WIPF3: variants seen among roughly 807,000 people sequenced by gnomAD.
WIPF3 encodes WAS/WASL interacting protein family member 3.
WIPF3 carries 33 observed loss-of-function variants against 38.9 expected under a neutral mutation model. The ratio of observed to expected loss-of-function variants is 0.85; its 90% CI spans 0.64 to 1.14. WIPF3 has a LOEUF of 1.14. WIPF3 is among the 50% of genes most tolerant of loss of function. WIPF3 has a pLI of 0.00. For synonymous variants in WIPF3, 324 were observed against 269.3 expected, an observed-to-expected ratio of 1.20 and a Z score of -1.99; for missense variants, 711 against 652.5, an observed-to-expected ratio of 1.09 and a Z score of -0.98.
chr7:29,829,872 G>A (rs1032298971), intron 1 of WIPF3, among the ~76,000 whole-genome samples: 2 of 152,272 alleles, frequency 1.3e-5, no homozygotes, highest in African/African-American at 2.4e-5. Context: ...GCTGTTTTGC[G>A]ATAGTTCATG....
chr7:29,880,578 T>C (rs549470127), intron 4 of WIPF3, among the ~76,000 whole-genome samples: 14 of 152,292 alleles, frequency 9.2e-5, no homozygotes, highest in Middle Eastern at 3.4e-3. Context: ...CCAGTTTCTC[T>C]TCATAGAAGA....
At chr7:29,843,647 C>T (rs1291099473) in intron 2 of WIPF3, among the ~76,000 whole-genome samples, 3 of 152,138 alleles carry the variant, frequency 2.0e-5, no homozygotes, top group Admixed American at 6.5e-5. Flanking sequence ...TAGAAAACTG[C>T]CAGCGAACCT....
intron 2 of WIPF3, among the ~76,000 whole-genome samples, chr7:29,872,488 G>C (rs1785512070): frequency 6.6e-6 from 1 of 152,060 alleles, no homozygotes; most frequent in Non-Finnish European, 1.5e-5. Context: ...GAGGATTGGC[G>C]AACACTATAT....
At chr7:29,852,285 C>T (rs1785114073) in intron 2 of WIPF3, among the ~76,000 whole-genome samples, 1 of 152,216 alleles carries the variant, frequency 6.6e-6, no homozygotes, top group Non-Finnish European at 1.5e-5. Flanking sequence ...GCATGAGCCA[C>T]GATGCCTAGC....
At chr7:29,899,636 G>A (rs1463260307) in intron 7 of WIPF3, among the ~76,000 whole-genome samples, 5 of 152,192 alleles carry the variant, frequency 3.3e-5, no homozygotes, top group Admixed American at 3.3e-4. Context: ...CACATCTCCA[G>A]TATTGGGGTT....
chr7:29,866,195 T>C (rs966396030), intron 2 of WIPF3, among the ~76,000 whole-genome samples: 13 of 152,236 alleles, frequency 8.5e-5, no homozygotes, highest in African/African-American at 3.1e-4. Flanking sequence ...TACATTATCA[T>C]GTATAACAGA....
At chr7:29,869,279 T>C (rs1785452192) in intron 2 of WIPF3, among the ~76,000 whole-genome samples, 1 of 152,138 alleles carries the variant, frequency 6.6e-6, no homozygotes. Flanking sequence ...CCGCCCACCT[T>C]GGCCTCCCAA....
chr7:29,849,794 C>T (rs889452336), intron 2 of WIPF3, among the ~76,000 whole-genome samples: 10 of 152,186 alleles, frequency 6.6e-5, no homozygotes, highest in Non-Finnish European at 4.4e-5. Flanking sequence ...AAGAGACAAT[C>T]AAAGGGAAAA....
At chr7:29,814,251 T>A (rs1273589808) in intron 1 of WIPF3, among the ~76,000 whole-genome samples, 1 of 152,246 alleles carries the variant, frequency 6.6e-6, no homozygotes, top group Non-Finnish European at 1.5e-5. Context: ...TGTTTTCTTG[T>A]ATACCCTGTG....
chr7:29,829,462 A>G (rs1583593858), intron 1 of WIPF3, among the ~76,000 whole-genome samples: 1 of 151,962 alleles, frequency 6.6e-6, no homozygotes, highest in Non-Finnish European at 1.5e-5. Flanking sequence ...CAAGTGATCC[A>G]CCTGCCTCGG....
chr7:29,845,677 A>G (rs1161189164), intron 2 of WIPF3, among the ~76,000 whole-genome samples: 1 of 152,240 alleles, frequency 6.6e-6, no homozygotes, highest in East Asian at 1.9e-4. Flanking sequence ...GTGCCTAGAT[A>G]ATGTTGTGAG....
chr7:29,869,859 C>A (rs1002827936), intron 2 of WIPF3, among the ~76,000 whole-genome samples: 4 of 152,092 alleles, frequency 2.6e-5, no homozygotes, highest in Non-Finnish European at 5.9e-5. Context: ...CTTGATAACA[C>A]TGGTTTGGGT....
chr7:29,845,452 C>A (rs559785483), intron 2 of WIPF3, among the ~76,000 whole-genome samples: 3 of 152,312 alleles, frequency 2.0e-5, no homozygotes, highest in African/African-American at 7.2e-5. Context: ...CCAGAGAAAC[C>A]AGGGCATGAC....
intron 2 of WIPF3, among the ~76,000 whole-genome samples, chr7:29,845,746 G>A (rs1243099376): frequency 1.3e-5 from 2 of 152,236 alleles, no homozygotes; most frequent in African/African-American, 4.8e-5. Flanking sequence ...GGGGCCAATG[G>A]TCACAAAGCA....
At chr7:29,898,282 A>G (rs915620695) in intron 7 of WIPF3, among the ~76,000 whole-genome samples, 9 of 151,868 alleles carry the variant, frequency 5.9e-5, no homozygotes, top group African/African-American at 2.2e-4. Flanking sequence ...GTCGTCTTTG[A>G]CTTCTCTCTT....
chr7:29,888,789 C>G (rs2128077269), intron 6 of WIPF3, among the ~76,000 whole-genome samples: 1 of 152,306 alleles, frequency 6.6e-6, no homozygotes, highest in Middle Eastern at 3.4e-3. Context: ...TCCCCTCCTG[C>G]CAACAGATCC....
In WIPF3 at chr7:29,878,987, T is replaced by C. The variant is rs766484838; in HGVS notation, c.224-22T>C. On this transcript the variant is annotated intron_variant, in intron 3 of 8. Coordinates refer to ENST00000242140, the MANE Select transcript of WIPF3 (RefSeq NM_001080529.3). This position sits in a 1 kb window ranked among gnomAD's most constrained non-coding sequence, Gnocchi z 4.0. Reference sequence around the variant, plus strand: ...TCAGCTCTGCTCTCAAGTCCTTGCCTATTTGTGTCTTCTCTCTAAAGGTTC... The same window carrying C: ...TCAGCTCTGCTCTCAAGTCCTTGCCCATTTGTGTCTTCTCTCTAAAGGTTC... 6.3e-7 allele frequency: 1 copy of C among 1,580,364 alleles called. No homozygotes were observed.
chr7:29,849,334 A>G (rs1051064041), intron 2 of WIPF3, among the ~76,000 whole-genome samples: 4 of 152,208 alleles, frequency 2.6e-5, no homozygotes, highest in African/African-American at 4.8e-5. Context: ...GCTACTTTTT[A>G]TGTAAATAAA....
intron 1 of WIPF3, among the ~76,000 whole-genome samples, chr7:29,832,628 T>C (rs764117521): frequency 2.0e-5 from 3 of 152,208 alleles, no homozygotes; most frequent in Non-Finnish European, 4.4e-5. Context: ...TGAAATACTT[T>C]GTAAGAAAAG....
Sources: allele counts gnomAD v4.1 joint callset (sites outside exome capture counted in the v4.1 genomes callset), GRCh38; gene constraint gnomAD v4.1.1; non-coding constraint Gnocchi (gnomAD v3.1); transcripts MANE v1.5; gene names NCBI Gene and HGNC (gene_info 2026-07-23, HGNC 2026-07-21).